GAS2: variants seen among roughly 807,000 people sequenced by gnomAD.
The protein encoded by GAS2 is growth arrest specific 2, also known as growth arrest-specific protein 2.
A neutral mutation model predicts 37.5 loss-of-function variants in GAS2; 20 were observed. The observed-to-expected ratio is 0.53, with a 90% confidence interval of 0.37 to 0.77. GAS2 has a LOEUF of 0.77. Among genes scored for constraint, GAS2 ranks in the 30% least tolerant of loss-of-function variants. The pLI is 0.00. For synonymous variants in GAS2, 144 were observed against 132.2 expected, an observed-to-expected ratio of 1.09 and a Z score of -0.61; for missense variants, 336 against 373.4, an observed-to-expected ratio of 0.90 and a Z score of 0.82.
intron 5 of GAS2, among the ~76,000 whole-genome samples, chr11:22,744,977 GAC>G (rs1399335263): frequency 6.6e-6 from 1 of 151,732 alleles, no homozygotes; most frequent in Admixed American, 6.6e-5. Context: ...AATAATAGAT[GAC>G]ACAAACAAAG....
At chr11:22,731,987 C>T (rs558902255) in intron 4 of GAS2, among the ~76,000 whole-genome samples, 4 of 151,828 alleles carry the variant, frequency 2.6e-5, no homozygotes, top group African/African-American at 9.6e-5. Context: ...ATCTGGCCCT[C>T]TCCCCTATGT....
chr11:22,690,149 C>T (rs563610855), intron 3 of GAS2, among the ~76,000 whole-genome samples: 14 of 152,034 alleles, frequency 9.2e-5, no homozygotes, highest in South Asian at 4.2e-4. Flanking sequence ...CAAATTTGAA[C>T]GAGTAAGTTA....
intron 2 of GAS2, among the ~76,000 whole-genome samples, chr11:22,684,797 C>T (rs148941290): frequency 1.3e-5 from 2 of 152,224 alleles, no homozygotes; most frequent in East Asian, 3.9e-4. Context: ...CTCTAACTCA[C>T]GAGCTCAAGC....
intron 1 of GAS2, among the ~76,000 whole-genome samples, chr11:22,633,828 T>C (rs1285268119): frequency 6.6e-6 from 1 of 152,180 alleles, no homozygotes; most frequent in African/African-American, 2.4e-5. Flanking sequence ...GGAATGGTGA[T>C]GTTACATGTA....
intron 7 of GAS2, among the ~76,000 whole-genome samples, chr11:22,806,159 T>C (rs1047524851): frequency 2.0e-5 from 3 of 152,176 alleles, no homozygotes; most frequent in African/African-American, 7.2e-5. Context: ...AAGATGGAGT[T>C]GCTCTCATTC....
intron 7 of GAS2, among the ~76,000 whole-genome samples, chr11:22,801,975 A>G (rs146686903): frequency 1.3e-4 from 20 of 152,202 alleles, no homozygotes; most frequent in African/African-American, 4.6e-4. Flanking sequence ...TTGATTAAGA[A>G]TGGGAGTGTT....
chr11:22,800,509 G>A (rs57862275), intron 7 of GAS2, among the ~76,000 whole-genome samples: 32,415 of 151,890 alleles, frequency 0.21, 4,538 homozygotes, highest in African/African-American at 0.4. Flanking sequence ...TGGAGTAGAC[G>A]GTGGACTAGT....
chr11:22,750,315 G>A (rs1465720972), intron 6 of GAS2, among the ~76,000 whole-genome samples: 1 of 152,006 alleles, frequency 6.6e-6, no homozygotes, highest in Non-Finnish European at 1.5e-5. Flanking sequence ...ACAGGATGCA[G>A]AAAAAGAGAT....
chr11:22,747,002 C>G (rs1034252593), intron 5 of GAS2, among the ~76,000 whole-genome samples: 1 of 152,106 alleles, frequency 6.6e-6, no homozygotes. Flanking sequence ...GTCTAGAATT[C>G]AGCATAATCA....
chr11:22,704,731 A>C (rs1478356701), intron 3 of GAS2, among the ~76,000 whole-genome samples: 1 of 151,232 alleles, frequency 6.6e-6, no homozygotes, highest in Non-Finnish European at 1.5e-5. Context: ...CAAAACTCAG[A>C]ATAAATGGAT....
chr11:22,777,183 C>T (rs1855302125), intron 7 of GAS2, among the ~76,000 whole-genome samples: 1 of 152,100 alleles, frequency 6.6e-6, no homozygotes, highest in Non-Finnish European at 1.5e-5. Flanking sequence ...TTGTTAAATC[C>T]TAAGCCATAC....
intron 3 of GAS2, among the ~76,000 whole-genome samples, chr11:22,696,029 T>G (rs1850492263): frequency 6.6e-6 from 1 of 151,980 alleles, no homozygotes; most frequent in African/African-American, 2.4e-5. Context: ...ACAATGCTGG[T>G]GTGCTGCACC....
At chr11:22,790,590 ATTTTTT>A (rs58284244) in intron 7 of GAS2, among the ~76,000 whole-genome samples, 11 of 111,794 alleles carry the variant, frequency 9.8e-5, no homozygotes, top group Admixed American at 4.7e-4. Flanking sequence ...CTTCTTCTCT[ATTTTTT>A]TTTTTTTTTT....
rs551114617 is a variant in GAS2 at position 22,731,177 on chromosome 11, T to C, written c.409+4744T>C. On this transcript the variant is annotated intron_variant, in intron 4 of 7. Transcript: ENST00000454584. ...AATTTAGAAATTGTCAAGTTAACTT[T>C]TTTTCCTAGAAATTTGTTTATTTTG... Among the ~76,000 whole-genome samples the C allele has an allele frequency of 1.8e-4, 28 of 151,920 alleles. No individual in the cohort carries two copies. In the South Asian group the frequency reaches 2.9e-3, roughly 16 times the overall value.
chr11:22,691,074 G>A (rs553457711), intron 3 of GAS2, among the ~76,000 whole-genome samples: 240 of 152,100 alleles, frequency 1.6e-3, no homozygotes, highest in African/African-American at 5.2e-3. Flanking sequence ...TGACTTCAAA[G>A]AGCCCTGGGT....
intron 3 of GAS2, among the ~76,000 whole-genome samples, chr11:22,723,719 G>A (rs912209585): frequency 6.6e-6 from 1 of 151,874 alleles, no homozygotes; most frequent in African/African-American, 2.4e-5. Context: ...CAGGGATATA[G>A]GTGGTAGATC....
chr11:22,791,289 A>G (rs966273571), intron 7 of GAS2, among the ~76,000 whole-genome samples: 3 of 152,184 alleles, frequency 2.0e-5, no homozygotes, highest in African/African-American at 7.2e-5. Context: ...AAAATAAAAT[A>G]TAAAGGGAGA....
At chr11:22,683,837 A>C (rs1849815396) in intron 2 of GAS2, among the ~76,000 whole-genome samples, 1 of 152,342 alleles carries the variant, frequency 6.6e-6, no homozygotes, top group African/African-American at 2.4e-5. Flanking sequence ...AGGAGATACA[A>C]AAAATAATAA....
chr11:22,655,446 A>G (rs975712890), intron 1 of GAS2, among the ~76,000 whole-genome samples: 7 of 152,050 alleles, frequency 4.6e-5, no homozygotes, highest in Non-Finnish European at 7.4e-5. Flanking sequence ...TAAAAACAGT[A>G]TAAAAAAAAG....
Sources: allele counts gnomAD v4.1 joint callset (sites outside exome capture counted in the v4.1 genomes callset), GRCh38; gene constraint gnomAD v4.1.1; transcripts MANE v1.5; gene names NCBI Gene and HGNC (gene_info 2026-07-23, HGNC 2026-07-21).